PDZRN3: variants seen among roughly 807,000 people sequenced by gnomAD.
PDZRN3 encodes PDZ domain containing ring finger 3.
A neutral mutation model predicts 85.7 loss-of-function variants in PDZRN3; 38 were observed. That is an observed-to-expected ratio of 0.44 (90% CI 0.34 to 0.58). PDZRN3 has a LOEUF of 0.58. Ranked by LOEUF, PDZRN3 falls within the 20% of genes least tolerant of loss-of-function variation. The pLI, the probability that PDZRN3 is intolerant of heterozygous loss-of-function variation, is 0.01. For missense variants in PDZRN3, 1,629 were observed against 1,506.4 expected (o/e 1.08, Z -1.35); for synonymous variants, 759 against 638.0 (o/e 1.19, Z -2.86).
chr3:73,453,997 T>C (rs914622098), intron 3 of PDZRN3, among the ~76,000 whole-genome samples: 3 of 152,204 alleles, frequency 2.0e-5, no homozygotes, highest in Non-Finnish European at 2.9e-5. Context: ...GTTTAAAGTA[T>C]AAATTCCAAA....
At chr3:73,438,206 CAGAT>C (rs1254251880) in intron 3 of PDZRN3, among the ~76,000 whole-genome samples, 1 of 152,146 alleles carries the variant, frequency 6.6e-6, no homozygotes, top group African/African-American at 2.4e-5. Context: ...ATGAGACAAA[CAGAT>C]AGACAAGGCA....
At chr3:73,476,278 T>A (rs1308038689) in intron 3 of PDZRN3, among the ~76,000 whole-genome samples, 1 of 151,844 alleles carries the variant, frequency 6.6e-6, no homozygotes, top group Non-Finnish European at 1.5e-5. Flanking sequence ...TGGCAGAAGG[T>A]GAAGGGGAAG....
chr3:73,604,731 G>T (rs1261971473), intron 2 of PDZRN3, among the ~76,000 whole-genome samples: 1 of 152,202 alleles, frequency 6.6e-6, no homozygotes, highest in Non-Finnish European at 1.5e-5. Flanking sequence ...GCATTTCTTG[G>T]CTGGAGAGAA....
At chr3:73,605,832 C>T (rs1702592447) in intron 2 of PDZRN3, among the ~76,000 whole-genome samples, 1 of 152,202 alleles carries the variant, frequency 6.6e-6, no homozygotes, top group African/African-American at 2.4e-5. Flanking sequence ...CCTCTGGGGA[C>T]CATGCAGGCA....
rs939057139 is a variant in PDZRN3, at chr3:73,616,474, G to A, written c.723+7629C>T. On this transcript the variant is annotated intron_variant, in intron 1 of 9. Coordinates refer to ENST00000263666, the MANE Select transcript of PDZRN3 (RefSeq NM_015009.3). ...ACCCATATGTTATTCATAAGCTTTA[G>A]CCCTCCACCTTTACATCTTAGCCCA... Among the ~76,000 whole-genome samples, 3 of 152,262 alleles carry A rather than the reference G, an allele frequency of 2.0e-5. No homozygotes were observed. The East Asian group carries it at 5.8e-4, about 29-fold the overall frequency.
intron 3 of PDZRN3, chr3:73,408,130 A>G (rs1198258673): frequency 4.3e-6 from 3 of 703,452 alleles, no homozygotes; most frequent in South Asian, 3.0e-5. Context: ...TCCACAAGCC[A>G]GATGACCTCC....
intron 3 of PDZRN3, among the ~76,000 whole-genome samples, chr3:73,476,804 C>G (rs369697618): frequency 6.6e-6 from 1 of 152,174 alleles, no homozygotes; most frequent in Admixed American, 6.5e-5. Flanking sequence ...GGCAAACAGC[C>G]CTGTGAGTGA....
chr3:73,520,384 G>A (rs368907139), intron 3 of PDZRN3, among the ~76,000 whole-genome samples: 2 of 152,022 alleles, frequency 1.3e-5, no homozygotes, highest in Admixed American at 6.6e-5. Context: ...TGTGCCTGTG[G>A]TCCCAGCAAC....
At chr3:73,415,771 T>TAATGGGTTTAA in intron 3 of PDZRN3, among the ~76,000 whole-genome samples, 1 of 152,342 alleles carries the variant, frequency 6.6e-6, no homozygotes, top group East Asian at 1.9e-4. Context: ...AATGCATTTT[T>TAATGGGTTTAA]GACTTAAAAT....
Position 73,624,092 on chromosome 3 carries a change from C to A in PDZRN3, c.723+11G>T. On this transcript the variant is annotated intron_variant, in intron 1 of 9. Transcript: ENST00000263666. ...CCTGGCTGGAGGTCGGGGCGGGCAG[C>A]AGGCGCCTACCTTGCCGCCGGGCGG... is the stretch of plus-strand genomic sequence containing the variant. The A allele has an allele frequency of 7.0e-7, 1 of 1,434,930 alleles. No homozygotes were observed. The allele number at this position is 1,434,930 out of a possible 1,614,324, so 88.9% of individuals were successfully genotyped here.
chr3:73,483,179 G>C (rs1411051584), intron 3 of PDZRN3, among the ~76,000 whole-genome samples: 1 of 152,196 alleles, frequency 6.6e-6, no homozygotes, highest in African/African-American at 2.4e-5. Context: ...TCAGAAAGGA[G>C]AATGTCACCA....
intron 3 of PDZRN3, among the ~76,000 whole-genome samples, chr3:73,416,057 G>GT (rs912172505): frequency 3.9e-4 from 59 of 151,430 alleles, no homozygotes; most frequent in East Asian, 1.7e-3. Flanking sequence ...AAGATTAAGG[G>GT]TTTTTTTTGT....
chr3:73,416,876 G>GTTTTTTTTTTTTTTTTTTTTTTTTTTGTT (rs1702095825), intron 3 of PDZRN3, among the ~76,000 whole-genome samples: 1 of 110,406 alleles, frequency 9.1e-6, no homozygotes, highest in Admixed American at 1.1e-4. Flanking sequence ...TTTTTTTTTG[G>GTTTTTTTTTTTTTTTTTTTTTTTTTTGTT]TTTTTTTTTT....
At chr3:73,546,617 G>A (rs567210557) in intron 3 of PDZRN3, among the ~76,000 whole-genome samples, 26 of 152,306 alleles carry the variant, frequency 1.7e-4, no homozygotes, top group African/African-American at 4.3e-4. Flanking sequence ...TCTGCAATAC[G>A]TAATTCAGAT....
intron 3 of PDZRN3, among the ~76,000 whole-genome samples, chr3:73,443,857 T>C (rs1702696135): frequency 6.6e-6 from 1 of 152,110 alleles, no homozygotes; most frequent in South Asian, 2.1e-4. Context: ...TAAAATCTAA[T>C]CCCCACTGTA....
chr3:73,499,833 C>T (rs1703942153), intron 3 of PDZRN3, among the ~76,000 whole-genome samples: 1 of 152,058 alleles, frequency 6.6e-6, no homozygotes, highest in South Asian at 2.1e-4. Context: ...ACTTCCTTGC[C>T]TATAGTAAAT....
At position 73,506,626 on chromosome 3, in the gene PDZRN3, G is replaced by A. The variant is rs188793869; in HGVS notation, c.918+95728C>T. 3.9e-5 allele frequency among the ~76,000 whole-genome samples: 6 copies of A among 152,194 alleles called. No homozygotes were observed. In the East Asian group the frequency reaches 5.8e-4, roughly 15 times the overall value. On this transcript the variant is annotated intron_variant, in intron 3 of 9. Coordinates refer to ENST00000263666, the MANE Select transcript of PDZRN3 (RefSeq NM_015009.3). ...GAAGGGGCAGGGAAAAGACTTACTC[G>A]AATATGATCTGTGGGAAAGCAATAG...
chr3:73,490,622 G>T (rs916906206), intron 3 of PDZRN3, among the ~76,000 whole-genome samples: 9 of 152,182 alleles, frequency 5.9e-5, no homozygotes, highest in Non-Finnish European at 8.8e-5. Flanking sequence ...CAACAAAAAT[G>T]GGGGGTATGG....
At chr3:73,540,237 G>C (rs1313541784) in intron 3 of PDZRN3, among the ~76,000 whole-genome samples, 1 of 151,760 alleles carries the variant, frequency 6.6e-6, no homozygotes, top group African/African-American at 2.4e-5. Flanking sequence ...ATTTATCTGT[G>C]ACCCTAAATA....
Sources: allele counts gnomAD v4.1 joint callset (sites outside exome capture counted in the v4.1 genomes callset), GRCh38; gene constraint gnomAD v4.1.1; transcripts MANE v1.5; gene names NCBI Gene and HGNC (gene_info 2026-07-23, HGNC 2026-07-21).